TRPM3: variants seen among roughly 807,000 people sequenced by gnomAD.
TRPM3 encodes the protein long transient receptor potential channel 3.
TRPM3 carries 77 observed loss-of-function variants against 181.2 expected under a neutral mutation model. That is an observed-to-expected ratio of 0.42 (90% CI 0.35 to 0.51). TRPM3 has a LOEUF of 0.51. Among genes scored for constraint, TRPM3 ranks in the 20% least tolerant of loss-of-function variants. The pLI, the probability that TRPM3 is intolerant of heterozygous loss-of-function variation, is 0.01. For synonymous variants in TRPM3, 745 were observed against 796.4 expected, an observed-to-expected ratio of 0.94 and a Z score of 1.09; for missense variants, 1,759 against 2,196.7, an observed-to-expected ratio of 0.80 and a Z score of 3.98.
chr9:70,760,883 GAGCCGGGTTT>G (rs2078013804), intron 8 of TRPM3: 1 of 152,360 alleles, frequency 6.6e-6, no homozygotes. Context: ...CTAATCAAAT[GAGCCGGGTTT>G]CCTCATCTGT....
intron 1 of TRPM3, among the ~76,000 whole-genome samples, chr9:71,240,416 C>G (rs1393029996): frequency 1.3e-5 from 2 of 152,124 alleles, no homozygotes; most frequent in East Asian, 3.8e-4. Flanking sequence ...AAGCAATAAA[C>G]AAGTGTTGTC....
chr9:71,126,358 A>G (rs2074031840), upstream of TRPM3, among the ~76,000 whole-genome samples: 1 of 152,186 alleles, frequency 6.6e-6, no homozygotes, highest in African/African-American at 2.4e-5. Flanking sequence ...TTTTTTTCAA[A>G]AAATCATTTG....
At chr9:71,074,029 A>G (rs928134753) in intron 1 of TRPM3, among the ~76,000 whole-genome samples, 2 of 152,214 alleles carry the variant, frequency 1.3e-5, no homozygotes, top group African/African-American at 4.8e-5. Flanking sequence ...CTTTTCAGTC[A>G]TAATAAGTAA....
chr9:70,843,173 C>A (rs749936048), intron 4 of TRPM3, 46 bp from the exon 5 acceptor site: 1 of 1,573,514 alleles, frequency 6.4e-7, no homozygotes, highest in South Asian at 1.2e-5. Context: ...AAAGCAAATA[C>A]CTTTTCATCA....
At position 70,830,875 on chromosome 9, in the gene TRPM3, C is replaced by T. The variant is rs115948994; in HGVS notation, c.802-2857G>A. ...ATTCTATAAATGTTAATTCCTTCTC[C>T]GGCTCTGCTCTATTTTACCAACTAT... On this transcript the variant is annotated intron_variant, in intron 5 of 25. Transcript: ENST00000677713. Among the ~76,000 whole-genome samples the T allele has an allele frequency of 1.0e-2, 1,522 of 152,226 alleles. 32 individuals carry two copies. The highest frequency in any genetic ancestry group is 0.035 in the African/African-American group (1,449 of 41,538).
chr9:70,566,769 G>T (rs2050698215), intron 22 of TRPM3, among the ~76,000 whole-genome samples: 1 of 152,128 alleles, frequency 6.6e-6, no homozygotes. Flanking sequence ...CTGCAACAGT[G>T]ACTCTCAGAC....
At chr9:71,109,447 T>G (rs1047343657) in intron 1 of TRPM3, among the ~76,000 whole-genome samples, 1 of 152,150 alleles carries the variant, frequency 6.6e-6, no homozygotes, top group Admixed American at 6.6e-5. Context: ...CACTTTTGCT[T>G]TATTAAGTTG....
chr9:70,910,558 G>T (rs952949500), intron 1 of TRPM3, among the ~76,000 whole-genome samples: 4 of 152,168 alleles, frequency 2.6e-5, no homozygotes, highest in Non-Finnish European at 4.4e-5. Flanking sequence ...AAAATAAAAA[G>T]AATAAAACTT....
At chr9:70,830,331 T>C (rs933134441) in intron 5 of TRPM3, among the ~76,000 whole-genome samples, 1 of 152,252 alleles carries the variant, frequency 6.6e-6, no homozygotes, top group Non-Finnish European at 1.5e-5. Flanking sequence ...ATCTATATTC[T>C]ATATACAGTA....
chr9:71,354,762 C>T (rs1294824574), intron 1 of TRPM3, among the ~76,000 whole-genome samples: 1 of 152,138 alleles, frequency 6.6e-6, no homozygotes. Context: ...AGGATGATGC[C>T]ATATCCTATA....
In TRPM3 at chr9:70,616,158, G is replaced by A. The variant is rs187251349; in HGVS notation, c.2359-83C>T. 1.5e-3 allele frequency: 1,672 copies of A among 1,096,246 alleles called. 2 individuals carry two copies. The highest frequency in any genetic ancestry group is 1.8e-3 in the Non-Finnish European group (1,380 of 780,212). The allele number at this position is 1,096,246 out of a possible 1,614,324, so 67.9% of individuals were successfully genotyped here. On this transcript the variant is annotated intron_variant, in intron 17 of 25. Transcript: ENST00000677713. ...GGTTGTTTAGAATCAGAGAGCCTGA[G>A]GTATGGGGTATAAGAGTGTATGCGT...
intron 1 of TRPM3, among the ~76,000 whole-genome samples, chr9:70,899,789 G>A (rs543350943): frequency 1.3e-5 from 2 of 152,240 alleles, no homozygotes; most frequent in African/African-American, 4.8e-5. Flanking sequence ...AACCCTCTCT[G>A]CTTTATTGCT....
chr9:70,917,566 G>GTTTTTTTTTTTTTTT lies in TRPM3; in HGVS notation c.178-53056_178-53055insAAAAAAAAAAAAAAA, dbSNP rs2096612398. ...TTCTTTACGCAAACAGTGTTAAGTT[G>GTTTTTTTTTTTTTTT]TTATATCAACTTAAAATAATGGCTT... On this transcript the variant is annotated intron_variant, in intron 1 of 25. Coordinates refer to ENST00000677713, the MANE Select transcript of TRPM3 (RefSeq NM_001366145.2). The GTTTTTTTTTTTTTTT allele has an allele frequency of 6.2e-6, 3 of 484,094 alleles. No homozygotes were observed. The African/African-American group carries it at 7.9e-5, about 13-fold the overall frequency. The allele number at this position is 484,094 out of a possible 1,614,324, so 30.0% of individuals were successfully genotyped here.
chr9:71,433,004 C>T (rs2093980860), intron 1 of TRPM3, among the ~76,000 whole-genome samples: 1 of 152,040 alleles, frequency 6.6e-6, no homozygotes, highest in African/African-American at 2.4e-5. Context: ...ACAGTAAAAT[C>T]CTTAGTTAGG....
intron 1 of TRPM3, among the ~76,000 whole-genome samples, chr9:70,958,551 ATG>A (rs561259642): frequency 2.0e-5 from 3 of 151,984 alleles, no homozygotes; most frequent in Non-Finnish European, 4.4e-5. Flanking sequence ...GCATTTTTTC[ATG>A]TGTCTTTTGG....
At chr9:70,940,925 G>C (rs553249598) in intron 1 of TRPM3, among the ~76,000 whole-genome samples, 136 of 152,362 alleles carry the variant, frequency 8.9e-4, no homozygotes, top group Non-Finnish European at 1.6e-3. Flanking sequence ...TGTATTTGCA[G>C]CTGAAGTATT....
intron 6 of TRPM3, among the ~76,000 whole-genome samples, chr9:70,786,952 A>G (rs1452800707): frequency 6.0e-4 from 92 of 152,088 alleles, no homozygotes; most frequent in Admixed American, 6.0e-3. Flanking sequence ...TGGAGGGAGA[A>G]GTACTTAGCA....
At chr9:71,432,998 T>C (rs994052778) in intron 1 of TRPM3, among the ~76,000 whole-genome samples, 2 of 152,222 alleles carry the variant, frequency 1.3e-5, no homozygotes, top group African/African-American at 2.4e-5. Context: ...ATAACTACAG[T>C]AAAATCCTTA....
intron 1 of TRPM3, among the ~76,000 whole-genome samples, chr9:71,310,644 G>T (rs2087839866): frequency 6.6e-6 from 1 of 152,084 alleles, no homozygotes; most frequent in Admixed American, 6.6e-5. Context: ...AACTAATCCA[G>T]TTATTTTATT....
Sources: allele counts gnomAD v4.1 joint callset (sites outside exome capture counted in the v4.1 genomes callset), GRCh38; gene constraint gnomAD v4.1.1; transcripts MANE v1.5; gene names NCBI Gene and HGNC (gene_info 2026-07-23, HGNC 2026-07-21).